ZDHHC15: variants seen among roughly 807,000 people sequenced by gnomAD.
ZDHHC15 encodes zDHHC palmitoyltransferase 15.
A neutral mutation model predicts 31.7 loss-of-function variants in ZDHHC15; 19 were observed. The ratio of observed to expected loss-of-function variants is 0.60; its 90% CI spans 0.42 to 0.88. ZDHHC15 has a LOEUF of 0.88. Ranked by LOEUF, ZDHHC15 falls within the 40% of genes least tolerant of loss-of-function variation. ZDHHC15 has a pLI of 0.00. For missense variants in ZDHHC15, 209 were observed against 251.2 expected, an observed-to-expected ratio of 0.83 and a Z score of 1.14; for synonymous variants, 103 against 90.0, an observed-to-expected ratio of 1.14 and a Z score of -0.82.
intron 11 of ZDHHC15, among the ~76,000 whole-genome samples, chrX:75,373,771 G>A (rs1004443111): frequency 1.0e-4 from 11 of 110,049 alleles, no homozygotes; most frequent in African/African-American, 3.6e-4. Flanking sequence ...ATCACATTTT[G>A]GTAAATGAGG....
intron 3 of ZDHHC15, among the ~76,000 whole-genome samples, chrX:75,474,573 T>TGC (rs2084565561): frequency 1.6e-5 from 1 of 64,284 alleles, no homozygotes; most frequent in Non-Finnish European, 2.8e-5. Context: ...ATCCCCTTTA[T>TGC]ACACACACAC....
chrX:75,470,346 C>T (rs183676247), intron 3 of ZDHHC15, among the ~76,000 whole-genome samples: 3 of 111,214 alleles, frequency 2.7e-5, no homozygotes, highest in Non-Finnish European at 3.8e-5. Flanking sequence ...TGCAGATGGT[C>T]TATTGTGGGC....
At chrX:75,511,858 C>A (rs2085280394) in intron 1 of ZDHHC15, among the ~76,000 whole-genome samples, 1 of 46,496 alleles carries the variant, frequency 2.2e-5, no homozygotes, top group African/African-American at 8.6e-5. Flanking sequence ...AGACCAATAT[C>A]CTTGATGAAC....
At chrX:75,446,033 G>A (rs1014633996) in intron 4 of ZDHHC15, among the ~76,000 whole-genome samples, 3 of 111,453 alleles carry the variant, frequency 2.7e-5, no homozygotes, top group Non-Finnish European at 5.6e-5. Flanking sequence ...ATCCCTAAAG[G>A]TAAGGTACAA....
chrX:75,470,357 C>T (rs1308984846), intron 3 of ZDHHC15, among the ~76,000 whole-genome samples: 1 of 110,914 alleles, frequency 9.0e-6, no homozygotes, highest in Admixed American at 9.6e-5. Flanking sequence ...TATTGTGGGC[C>T]CTTGTGATTG....
intron 3 of ZDHHC15, 84 bp from the exon 4 acceptor site, chrX:75,451,006 A>G: frequency 9.4e-7 from 1 of 1,066,076 alleles, no homozygotes; most frequent in Non-Finnish European, 1.2e-6. Flanking sequence ...TACTTTAATG[A>G]AATTATTTGT....
At chrX:75,423,650 C>T (rs2083676665) in intron 8 of ZDHHC15, among the ~76,000 whole-genome samples, 1 of 102,165 alleles carries the variant, frequency 9.8e-6, no homozygotes, top group African/African-American at 3.6e-5. Flanking sequence ...AGTCACCCAG[C>T]TAATTATTTT....
intron 4 of ZDHHC15, among the ~76,000 whole-genome samples, chrX:75,447,693 C>T (rs753163973): frequency 1.6e-3 from 179 of 108,824 alleles, no homozygotes; most frequent in Non-Finnish European, 3.1e-3. Flanking sequence ...TACCACTCAC[C>T]ATTACCCTAA....
intron 3 of ZDHHC15, among the ~76,000 whole-genome samples, chrX:75,458,215 T>C (rs1273727745): frequency 8.9e-6 from 1 of 111,832 alleles, no homozygotes; most frequent in South Asian, 3.8e-4. Context: ...AAGGTACACA[T>C]AGAATAGTAC....
intron 10 of ZDHHC15, among the ~76,000 whole-genome samples, chrX:75,387,413 T>C (rs751043435): frequency 9.0e-6 from 1 of 111,557 alleles, no homozygotes; most frequent in African/African-American, 3.3e-5. Flanking sequence ...AACTCAGTGA[T>C]TTCCAAGACA....
intron 10 of ZDHHC15, among the ~76,000 whole-genome samples, chrX:75,383,735 GTTT>G (rs34663369): frequency 2.3e-5 from 2 of 86,632 alleles, no homozygotes; most frequent in African/African-American, 8.9e-5. Flanking sequence ...GAAATGTTAG[GTTT>G]TTTTTTTTTT....
rs182512643 is a variant in ZDHHC15, at chrX:75,460,080, G to A, written c.259-9158C>T. On this transcript the variant is annotated intron_variant, in intron 3 of 11. Coordinates refer to ENST00000373367, the MANE Select transcript of ZDHHC15 (RefSeq NM_144969.3). ...AGTAGAGATGGGGTTTCTCCATGTT[G>A]GTCAGGCTGGTCTTGAACTCCCGAC... is the stretch of plus-strand genomic sequence containing the variant. 7.9e-3 allele frequency among the ~76,000 whole-genome samples: 890 copies of A among 112,027 alleles called. 11 individuals are homozygous for A. The highest frequency in any genetic ancestry group is 0.027 in the African/African-American group (818 of 30,860).
rs138428835 is a variant in ZDHHC15 at position 75,488,129 on chromosome X, T to G, written c.164-9144A>C. On this transcript the variant is annotated intron_variant, in intron 2 of 11. Coordinates refer to ENST00000373367, the MANE Select transcript of ZDHHC15 (RefSeq NM_144969.3). ...GAATAATCGAGAAAAACTTCCCTGG[T>G]CTTGCTACTGATCTAGACATCCGAA... Among the ~76,000 whole-genome samples, 1,060 of 112,032 alleles carry G rather than the reference T, an allele frequency of 9.5e-3. 16 individuals carry two copies. Among genetic ancestry groups the G allele is most frequent in the African/African-American group, 0.033 (1,017 of 30,885 alleles).
chrX:75,401,802 C>T (rs982637336), intron 10 of ZDHHC15, among the ~76,000 whole-genome samples: 5 of 112,108 alleles, frequency 4.5e-5, no homozygotes, highest in East Asian at 2.8e-4. Context: ...GAGACTTCCA[C>T]ACACCACTGA....
At chrX:75,376,099 C>T (rs1304123425) in intron 11 of ZDHHC15, among the ~76,000 whole-genome samples, 1 of 111,158 alleles carries the variant, frequency 9.0e-6, no homozygotes, top group African/African-American at 3.3e-5. Context: ...AATAGCCATT[C>T]TGACTGGTGT....
chrX:75,418,822 A>T (rs1315416170), intron 9 of ZDHHC15, among the ~76,000 whole-genome samples: 2 of 112,495 alleles, frequency 1.8e-5, no homozygotes, highest in Non-Finnish European at 3.8e-5. Flanking sequence ...TGGATTAAAG[A>T]TTTAAATGTA....
At chrX:75,480,214 ATG>A (rs1439486631) in intron 2 of ZDHHC15, among the ~76,000 whole-genome samples, 1 of 111,493 alleles carries the variant, frequency 9.0e-6, no homozygotes, top group African/African-American at 3.3e-5. Flanking sequence ...GACCATTTAT[ATG>A]TGCTTGATTT....
rs143008346 is a variant in ZDHHC15 at position 75,448,275 on chromosome X, T to C, written c.379+2527A>G. Among the ~76,000 whole-genome samples, 3 of 111,948 alleles carry C rather than the reference T, an allele frequency of 2.7e-5. No individual in the cohort carries two copies. The East Asian group carries it at 8.5e-4, about 32-fold the overall frequency. On this transcript the variant is annotated intron_variant, in intron 4 of 11. Coordinates refer to ENST00000373367, the MANE Select transcript of ZDHHC15 (RefSeq NM_144969.3). ...AGAACTGGAGATTTGGGTCACCACG[T>C]CAGGTAAAAAACCAGTACCAGCTGA... is the stretch of plus-strand genomic sequence containing the variant.
chrX:75,504,042 G>A (rs919998925), intron 2 of ZDHHC15, among the ~76,000 whole-genome samples: 1 of 111,224 alleles, frequency 9.0e-6, no homozygotes, highest in African/African-American at 3.3e-5. Context: ...ACCAATGACT[G>A]TATTAGGGCT....
Sources: allele counts gnomAD v4.1 joint callset (sites outside exome capture counted in the v4.1 genomes callset), GRCh38; gene constraint gnomAD v4.1.1; transcripts MANE v1.5; gene names NCBI Gene and HGNC (gene_info 2026-07-23, HGNC 2026-07-21).